The following TSHZ2 variants were observed in gnomAD, a reference collection of about 807,000 sequenced individuals.
The protein encoded by TSHZ2 is teashirt zinc finger homeobox 2.
A neutral mutation model predicts 74.4 loss-of-function variants in TSHZ2; 21 were observed. That is an observed-to-expected ratio of 0.28 (90% CI 0.20 to 0.41). TSHZ2 has a LOEUF of 0.41. Ranked by LOEUF, TSHZ2 falls within the 10% of genes least tolerant of loss-of-function variation. The probability of loss-of-function intolerance (pLI) is 1.00; values close to 1 mark genes in which losing one functional copy is unlikely to be tolerated. For missense variants in TSHZ2, 1,244 were observed against 1,293.5 expected, an observed-to-expected ratio of 0.96 and a Z score of 0.59; for synonymous variants, 540 against 515.3, an observed-to-expected ratio of 1.05 and a Z score of -0.65.
At chr20:53,251,647 A>G (rs1990333919) in intron 1 of TSHZ2, among the ~76,000 whole-genome samples, 1 of 152,214 alleles carries the variant, frequency 6.6e-6, no homozygotes, top group African/African-American at 2.4e-5. Flanking sequence ...GGTAAAACAC[A>G]CCACACCAAT....
At chr20:52,996,681 CT>C (rs1220482215) in intron 1 of TSHZ2, among the ~76,000 whole-genome samples, 1 of 152,124 alleles carries the variant, frequency 6.6e-6, no homozygotes, top group Non-Finnish European at 1.5e-5. Flanking sequence ...TTAGAGAAGC[CT>C]TTTCTCTTGT....
rs143724013 is a variant in TSHZ2 at position 53,469,045 on chromosome 20, TTATATATATA to T, written c.*9-18069_*9-18060del. On this transcript the variant is annotated intron_variant, in intron 2 of 2. Coordinates refer to ENST00000371497, the MANE Select transcript of TSHZ2 (RefSeq NM_173485.6). ...ACCTAAAGGCTCTGAAATCGATATT[TTATATATATA>T]TATATATATATATATATATATATAT... Among the ~76,000 whole-genome samples the T allele has an allele frequency of 4.2e-3, 206 of 49,128 alleles. 2 individuals are homozygous for T. The highest frequency in any genetic ancestry group is 0.015 in the South Asian group (15 of 1,028). The allele number at this position is 49,128 out of a possible 152,430, so 32.2% of individuals were successfully genotyped here.
At chr20:53,328,726 C>T (rs772410156) in intron 2 of TSHZ2, among the ~76,000 whole-genome samples, 1 of 152,198 alleles carries the variant, frequency 6.6e-6, no homozygotes, top group Non-Finnish European at 1.5e-5. Flanking sequence ...TGGTTAATCA[C>T]AGTAGCCATT....
chr20:53,179,792 G>A (rs964650394), intron 1 of TSHZ2, among the ~76,000 whole-genome samples: 12 of 152,146 alleles, frequency 7.9e-5, no homozygotes, highest in Admixed American at 5.9e-4. Context: ...AAACTAAAGC[G>A]TGCTGGGGGC....
chr20:53,195,810 A>G lies in TSHZ2; in HGVS notation c.41-57689A>G, dbSNP rs146127463. Among the ~76,000 whole-genome samples, 459 of 152,276 alleles carry G rather than the reference A, an allele frequency of 3.0e-3. 3 individuals carry two copies. The highest frequency in any genetic ancestry group is 0.011 in the African/African-American group (443 of 41,550). ...GCAGGTAAACTGTTGCCGAACTAGT[A>G]TTTCACGGAGCAGCCCTTCTCTCTT... is the stretch of plus-strand genomic sequence containing the variant. On this transcript the variant is annotated intron_variant, in intron 1 of 2. Transcript: ENST00000371497.
At position 53,256,387 on chromosome 20, in the gene TSHZ2, G is replaced by T; in HGVS notation, c.2929G>T (p.Ala977Ser). The change falls in exon 2 of 3, where the codon GCT (alanine) becomes TCT (serine). Residue 977 changes from alanine to serine, a missense_variant. Coordinates refer to ENST00000371497, the MANE Select transcript of TSHZ2 (RefSeq NM_173485.6). This position sits in a 1 kb window ranked among gnomAD's most constrained non-coding sequence, Gnocchi z 4.3. ...GCAAGAGATCTCCCGGGTATCGTCG[G>T]CTCAGAGGTCTCCAGAAACAATAGC... ...VEQEISRVSS[A>S]QRSPETIAAE... The T allele has an allele frequency of 6.2e-7, 1 of 1,613,728 alleles. No homozygotes were observed. The highest frequency in any genetic ancestry group is 8.5e-7 in the Non-Finnish European group (1 of 1,179,670).
At chr20:53,210,371 A>AT (rs1989274936) in intron 1 of TSHZ2, among the ~76,000 whole-genome samples, 1 of 152,032 alleles carries the variant, frequency 6.6e-6, no homozygotes, top group Non-Finnish European at 1.5e-5. Context: ...TGAATGAGGG[A>AT]TTTTATCGAG....
chr20:53,030,455 G>C (rs910746673), intron 1 of TSHZ2, among the ~76,000 whole-genome samples: 1 of 152,098 alleles, frequency 6.6e-6, no homozygotes, highest in African/African-American at 2.4e-5. Context: ...CCAAGATCAA[G>C]CACATCATGG....
In TSHZ2 at chr20:53,270,647, G is replaced by C. The variant is rs148149920; in HGVS notation, c.*8+14076G>C. On this transcript the variant is annotated intron_variant, in intron 2 of 2. Transcript: ENST00000371497. ...GCAGACACACCACTTATTTGAAGGA[G>C]AGAACAGATGAATGCCTCCCCCCCA... Among the ~76,000 whole-genome samples the C allele has an allele frequency of 6.1e-5, 9 of 146,484 alleles. No individual in the cohort carries two copies. In the East Asian group the frequency reaches 1.4e-3, roughly 22 times the overall value.
At position 53,093,408 on chromosome 20, in the gene TSHZ2, T is replaced by C. The variant is rs190364933; in HGVS notation, c.40+120075T>C. On this transcript the variant is annotated intron_variant, in intron 1 of 2. Coordinates refer to ENST00000371497, the MANE Select transcript of TSHZ2 (RefSeq NM_173485.6). ...CAAGTGTCTTTTCTGCTTAAAGCCT[T>C]TCCGTGGTTTCCCACGCCTTTCACT... 2.4e-4 allele frequency among the ~76,000 whole-genome samples: 36 copies of C among 152,346 alleles called. No homozygotes were observed. The East Asian group carries it at 6.4e-3, about 27-fold the overall frequency.
At chr20:53,284,534 G>A (rs1220508501) in intron 2 of TSHZ2, among the ~76,000 whole-genome samples, 18 of 152,048 alleles carry the variant, frequency 1.2e-4, no homozygotes, top group African/African-American at 3.6e-4. Context: ...CACATTAATG[G>A]GATAATACGC....
At chr20:53,029,399 G>C (rs994800741) in intron 1 of TSHZ2, among the ~76,000 whole-genome samples, 1 of 152,240 alleles carries the variant, frequency 6.6e-6, no homozygotes, top group Non-Finnish European at 1.5e-5. Flanking sequence ...AGATGGGCTA[G>C]GCGCAGTGGC....
intron 2 of TSHZ2, among the ~76,000 whole-genome samples, chr20:53,436,095 G>A (rs771075223): frequency 6.6e-6 from 1 of 151,902 alleles, no homozygotes; most frequent in Non-Finnish European, 1.5e-5. Context: ...GCAGTATCTG[G>A]AATAGAGTGA....
intron 1 of TSHZ2, among the ~76,000 whole-genome samples, chr20:53,201,082 C>G (rs945606229): frequency 3.3e-5 from 5 of 151,620 alleles, no homozygotes. Context: ...CATTGCAGGT[C>G]TTATAGCTGG....
intron 2 of TSHZ2, among the ~76,000 whole-genome samples, chr20:53,339,072 G>A (rs35649225): frequency 0.015 from 2,344 of 152,248 alleles, 48 homozygotes; most frequent in African/African-American, 0.051. Flanking sequence ...GCTCAGCATT[G>A]TCACCAAACT....
chr20:53,488,030 A>G lies in TSHZ2; in HGVS notation c.*895A>G, dbSNP rs942372921. On this transcript the variant is annotated 3_prime_UTR_variant, in exon 3 of 3. Transcript: ENST00000371497. ...ATTACAGGGTGGAAAGTTCTGCAGCAGCCTTTTCTGGTAATCCCTTTCTGC... is the reference window on the plus strand; with the variant it reads ...ATTACAGGGTGGAAAGTTCTGCAGCGGCCTTTTCTGGTAATCCCTTTCTGC... 6.6e-6 allele frequency: 1 copy of G among 152,236 alleles called. No individual in the cohort carries two copies. Among genetic ancestry groups the G allele is most frequent in the Admixed American group, 6.5e-5 (1 of 15,280 alleles). 9.4% of individuals were successfully genotyped at this position (152,236 alleles called of 1,614,324 possible).
chr20:53,099,081 T>C (rs934168702), intron 1 of TSHZ2, among the ~76,000 whole-genome samples: 1 of 152,192 alleles, frequency 6.6e-6, no homozygotes, highest in African/African-American at 2.4e-5. Flanking sequence ...AGTGAATGAA[T>C]GGTGACCTCC....
intron 2 of TSHZ2, among the ~76,000 whole-genome samples, chr20:53,479,730 C>A (rs1036680670): frequency 4.6e-5 from 7 of 152,208 alleles, no homozygotes; most frequent in African/African-American, 1.4e-4. Flanking sequence ...GTCCTCCACG[C>A]CCAATGGGCA....
At chr20:53,474,252 A>G (rs1161927524) in intron 2 of TSHZ2, among the ~76,000 whole-genome samples, 2 of 144,156 alleles carry the variant, frequency 1.4e-5, no homozygotes, top group African/African-American at 5.3e-5. Context: ...AAGGGCAGCC[A>G]GAGAGAAAGG....
Sources: gnomAD v4.1 joint callset for allele counts (sites outside exome capture counted in the v4.1 genomes callset) on GRCh38, gnomAD v4.1.1 for gene constraint, Gnocchi (gnomAD v3.1) non-coding constraint, MANE v1.5 for transcripts, NCBI Gene and HGNC (gene_info 2026-07-23, HGNC 2026-07-21) for gene names.